SNX29: variants seen among roughly 807,000 people sequenced by gnomAD.
SNX29 encodes the protein sorting nexin-29.
Under a neutral mutation model 102.1 loss-of-function variants are expected in SNX29, and 78 were observed. The observed-to-expected ratio is 0.76, with a 90% CI of 0.64 to 0.92. The LOEUF is 0.92. Among genes scored for constraint, SNX29 ranks in the 40% least tolerant of loss-of-function variants. The probability of loss-of-function intolerance (pLI) is 0.00; values close to 1 mark genes in which losing one functional copy is unlikely to be tolerated. For missense variants in SNX29, 1,280 were observed against 1,061.7 expected (o/e 1.21, Z -2.86); for synonymous variants, 580 against 414.5 (o/e 1.40, Z -4.85).
In SNX29 at chr16:12,572,666, G is replaced by T; in HGVS notation, c.*4037G>T. 1 of 1,063,986 alleles carries T rather than the reference G, an allele frequency of 9.4e-7. No homozygotes were observed. The highest frequency in any genetic ancestry group is 1.6e-5 in the African/African-American group (1 of 61,048). 65.9% of individuals were successfully genotyped at this position (1,063,986 alleles called of 1,614,324 possible). A position where few individuals can be genotyped will look rare whatever the true frequency, so the allele number is the denominator to read the frequency against. Reference sequence around the variant, plus strand: ...CCACCAAGCTCCTGTGTGAGCTGCAGCACCCACACGGGGGAAGCCCTGCAC... The same window carrying T: ...CCACCAAGCTCCTGTGTGAGCTGCATCACCCACACGGGGGAAGCCCTGCAC... On this transcript the variant is annotated 3_prime_UTR_variant, in exon 21 of 21. Coordinates refer to ENST00000566228, the MANE Select transcript of SNX29 (RefSeq NM_032167.5).
chr16:12,079,500 A>G (rs979798626), intron 11 of SNX29, among the ~76,000 whole-genome samples: 1 of 147,834 alleles, frequency 6.8e-6, no homozygotes, highest in South Asian at 2.1e-4. Flanking sequence ...CAGAGGGGGC[A>G]CTTGTTCCCA....
At chr16:12,253,895 G>T (rs541316093) in intron 14 of SNX29, among the ~76,000 whole-genome samples, 1 of 152,274 alleles carries the variant, frequency 6.6e-6, no homozygotes, top group African/African-American at 2.4e-5. Flanking sequence ...GGCACAAGGC[G>T]GTGGTGGCTG....
intron 15 of SNX29, among the ~76,000 whole-genome samples, chr16:12,296,974 G>C (rs189175293): frequency 6.6e-6 from 1 of 152,286 alleles, no homozygotes; most frequent in South Asian, 2.1e-4. Context: ...GCTGCTGCCC[G>C]CTAGATGCTG....
At chr16:12,560,858 G>A (rs3751785) in intron 20 of SNX29, 3 of 184,000 alleles carry the variant, frequency 1.6e-5, no homozygotes, top group Admixed American at 6.2e-5. Context: ...TATGAGAATT[G>A]GTGTTAGTCC....
intron 11 of SNX29, among the ~76,000 whole-genome samples, chr16:12,091,075 A>G (rs58715182): frequency 9.7e-4 from 147 of 151,902 alleles, no homozygotes; most frequent in African/African-American, 3.5e-3. Context: ...GAAAATAGTA[A>G]TAATACAAAT....
At chr16:12,129,191 A>G (rs1281119796) in intron 12 of SNX29, among the ~76,000 whole-genome samples, 1 of 152,170 alleles carries the variant, frequency 6.6e-6, no homozygotes, top group Non-Finnish European at 1.5e-5. Flanking sequence ...TATATATTCT[A>G]TTTTTATGCC....
chr16:12,027,553 G>T, intron 4 of SNX29, 109 bp downstream of exon 4: 2 of 1,381,580 alleles, frequency 1.4e-6, no homozygotes, highest in Non-Finnish European at 9.8e-7. Context: ...GGGACTTGGT[G>T]GGGTGGTGTA....
At chr16:12,267,751 T>C (rs1424811945) in intron 14 of SNX29, among the ~76,000 whole-genome samples, 3 of 152,158 alleles carry the variant, frequency 2.0e-5, no homozygotes, top group Non-Finnish European at 4.4e-5. Flanking sequence ...ATCTGAGCTG[T>C]TTACTCCCTG....
chr16:12,075,212 C>T (rs1017765686), intron 10 of SNX29, among the ~76,000 whole-genome samples: 11 of 152,290 alleles, frequency 7.2e-5, no homozygotes, highest in East Asian at 3.9e-4. Flanking sequence ...GGTGAGGAAC[C>T]GTGTTCCTTT....
chr16:12,310,914 C>G (rs537545638), intron 15 of SNX29, among the ~76,000 whole-genome samples: 1 of 152,268 alleles, frequency 6.6e-6, no homozygotes, highest in South Asian at 2.1e-4. Flanking sequence ...GGCAAAATAA[C>G]GAAGAAGTAG....
intron 14 of SNX29, among the ~76,000 whole-genome samples, chr16:12,236,045 C>T (rs1482173752): frequency 6.6e-6 from 1 of 152,162 alleles, no homozygotes; most frequent in Admixed American, 6.6e-5. Context: ...CCTGTCCTCT[C>T]TGTCTCATAT....
intron 15 of SNX29, among the ~76,000 whole-genome samples, chr16:12,321,821 A>T (rs959173847): frequency 6.6e-6 from 1 of 152,204 alleles, no homozygotes; most frequent in East Asian, 1.9e-4. Flanking sequence ...CAAAGAGCAC[A>T]GGTCCTGATG....
intron 15 of SNX29, among the ~76,000 whole-genome samples, chr16:12,322,484 T>G (rs953088471): frequency 3.9e-5 from 6 of 152,228 alleles, no homozygotes; most frequent in African/African-American, 1.4e-4. Context: ...AATTGTGGGT[T>G]ACTGCAATAT....
chr16:12,568,793 T>C lies in SNX29; in HGVS notation c.*164T>C. On this transcript the variant is annotated 3_prime_UTR_variant, in exon 21 of 21. Coordinates refer to ENST00000566228, the MANE Select transcript of SNX29 (RefSeq NM_032167.5). ...ACAACACCCCGATTAAACTAATCAG[T>C]CTTCGAGCCGCATGATACCGTGACC... 9.0e-7 allele frequency: 1 copy of C among 1,117,012 alleles called. No homozygotes were observed. The highest frequency in any genetic ancestry group is 1.6e-5 in the African/African-American group (1 of 63,584). 69.2% of individuals were successfully genotyped at this position (1,117,012 alleles called of 1,614,324 possible).
At chr16:12,512,755 A>G (rs779157053) in intron 19 of SNX29, among the ~76,000 whole-genome samples, 6 of 152,078 alleles carry the variant, frequency 3.9e-5, no homozygotes, top group Non-Finnish European at 7.4e-5. Context: ...TTCTCCTCAC[A>G]GGGCCTGGCA....
chr16:12,016,768 T>A (rs1365381019), intron 3 of SNX29, among the ~76,000 whole-genome samples: 1 of 152,122 alleles, frequency 6.6e-6, no homozygotes, highest in African/African-American at 2.4e-5. Flanking sequence ...CTGTTAGGGC[T>A]TTTATTTTTA....
At chr16:12,326,227 G>A (rs568925388) in intron 15 of SNX29, among the ~76,000 whole-genome samples, 2 of 151,890 alleles carry the variant, frequency 1.3e-5, no homozygotes, top group African/African-American at 4.8e-5. Context: ...GGCCAGGCTG[G>A]TCTTGAACTC....
chr16:12,211,972 C>G (rs529467757), intron 14 of SNX29, among the ~76,000 whole-genome samples: 3 of 152,276 alleles, frequency 2.0e-5, no homozygotes, highest in Admixed American at 6.5e-5. Context: ...TTACAGTCAT[C>G]CACCTAGAAA....
rs546378803 is a variant in SNX29 at position 12,018,469 on chromosome 16, G to T, written c.123-8851G>T. 2.0e-5 allele frequency among the ~76,000 whole-genome samples: 3 copies of T among 151,128 alleles called. No homozygotes were observed. In the South Asian group the frequency reaches 6.3e-4, roughly 32 times the overall value. On this transcript the variant is annotated intron_variant, in intron 3 of 20. Transcript: ENST00000566228. ...GTGGTGGTGGGCACCTGTAATCCCA[G>T]CCACTCGGGAGGCTGAAGCAGGAGA...
Sources: gnomAD v4.1 joint callset for allele counts (sites outside exome capture counted in the v4.1 genomes callset) on GRCh38, gnomAD v4.1.1 for gene constraint, MANE v1.5 for transcripts, NCBI Gene and HGNC (gene_info 2026-07-23, HGNC 2026-07-21) for gene names.